The following TMEM117 variants were observed in gnomAD, a reference collection of about 807,000 sequenced individuals.
TMEM117 encodes transmembrane protein 117.
In TMEM117, 27 loss-of-function variants were observed where a neutral mutation model predicts 52.4. That is an observed-to-expected ratio of 0.51 (90% CI 0.38 to 0.71). The LOEUF is 0.71. TMEM117 is among the 30% of genes least tolerant of loss of function. TMEM117 has a pLI of 0.00. For missense variants in TMEM117, 556 were observed against 630.5 expected (o/e 0.88, Z 1.26); for synonymous variants, 215 against 206.3 (o/e 1.04, Z -0.36).
intron 3 of TMEM117, among the ~76,000 whole-genome samples, chr12:44,042,488 G>C (rs928576758): frequency 3.3e-5 from 5 of 152,060 alleles, no homozygotes; most frequent in African/African-American, 1.2e-4. Context: ...TAACATTTGA[G>C]TCAGTGGGCT....
chr12:44,143,770 G>A, intron 4 of TMEM117, 146 bp downstream of exon 4: 1 of 602,928 alleles, frequency 1.7e-6, no homozygotes. Context: ...TAATTCCAGA[G>A]ATTATATCCA....
intron 4 of TMEM117, among the ~76,000 whole-genome samples, chr12:44,149,321 C>G (rs1948688995): frequency 6.6e-6 from 1 of 151,914 alleles, no homozygotes; most frequent in South Asian, 2.1e-4. Context: ...TTTCAGTGGA[C>G]AGAGAGAATT....
intron 3 of TMEM117, among the ~76,000 whole-genome samples, chr12:44,088,669 C>G (rs1397712788): frequency 6.6e-6 from 1 of 152,134 alleles, no homozygotes; most frequent in Admixed American, 6.5e-5. Context: ...CTGAAGATGT[C>G]GGGAGACTTC....
chr12:43,810,471 A>T, the TMEM117 span, among the ~76,000 whole-genome samples: 8 of 152,184 alleles, frequency 5.3e-5, no homozygotes, highest in Non-Finnish European at 1.0e-4. Flanking sequence ...TATTTCTGTA[A>T]TCGCAACACA....
At chr12:44,114,566 T>A (rs759636174) in intron 3 of TMEM117, among the ~76,000 whole-genome samples, 13 of 152,150 alleles carry the variant, frequency 8.5e-5, no homozygotes, top group Non-Finnish European at 1.8e-4. Flanking sequence ...GATTTCCACA[T>A]CCATTTCTAG....
At chr12:44,208,786 C>T (rs918663747) in intron 4 of TMEM117, among the ~76,000 whole-genome samples, 1 of 111,684 alleles carries the variant, frequency 9.0e-6, no homozygotes, top group African/African-American at 3.5e-5. Flanking sequence ...ATGCTTTATC[C>T]TTGAATGTCA....
intron 3 of TMEM117, among the ~76,000 whole-genome samples, chr12:43,991,783 A>G (rs922559807): frequency 4.6e-5 from 7 of 152,132 alleles, no homozygotes; most frequent in Non-Finnish European, 8.8e-5. Flanking sequence ...TTTCCATACT[A>G]TCATCTTAAA....
In TMEM117 at chr12:44,291,374, G is replaced by GTT. The variant is rs1185340451; in HGVS notation, c.609-8184_609-8183dup. 7.5e-3 allele frequency among the ~76,000 whole-genome samples: 536 copies of GTT among 71,330 alleles called. 7 individuals carry two copies. The highest frequency in any genetic ancestry group is 0.021 in the African/African-American group (361 of 17,226). 46.8% of individuals were successfully genotyped at this position (71,330 alleles called of 152,430 possible). On this transcript the variant is annotated intron_variant, in intron 5 of 7. Coordinates refer to ENST00000266534, the MANE Select transcript of TMEM117 (RefSeq NM_032256.3). ...CTCAATTTGTTTATTAGTTCTAACAGTTTTTTTTTTTTTTTTTTTTTTTGG... is the reference window on the plus strand; with the variant it reads ...CTCAATTTGTTTATTAGTTCTAACAGTTTTTTTTTTTTTTTTTTTTTTTTTGG...
At chr12:44,007,403 C>T (rs1290687964) in intron 3 of TMEM117, among the ~76,000 whole-genome samples, 3 of 151,334 alleles carry the variant, frequency 2.0e-5, no homozygotes, top group Non-Finnish European at 4.4e-5. Context: ...TAAATTTCCT[C>T]TTTTTTTTTC....
At chr12:43,884,133 C>CAA (rs758603064) in intron 2 of TMEM117, among the ~76,000 whole-genome samples, 10 of 69,606 alleles carry the variant, frequency 1.4e-4, no homozygotes, top group South Asian at 4.2e-4. Context: ...GATACCATCT[C>CAA]AAAAAAAAAA....
intron 3 of TMEM117, among the ~76,000 whole-genome samples, chr12:44,043,745 C>T (rs1946837474): frequency 6.6e-6 from 1 of 151,992 alleles, no homozygotes; most frequent in African/African-American, 2.4e-5. Flanking sequence ...AGAGTGTGAC[C>T]CATGAGGAGG....
At chr12:43,951,741 TCTGATCCTGATGAGGGC>T (rs1592388030) in intron 3 of TMEM117, among the ~76,000 whole-genome samples, 1 of 122,994 alleles carries the variant, frequency 8.1e-6, no homozygotes, top group South Asian at 2.2e-4. Flanking sequence ...TGATGAGGGC[TCTGATCCTGATGAGGGC>T]GATTCCCTGA....
chr12:44,188,717 C>G (rs1048233108), intron 4 of TMEM117, among the ~76,000 whole-genome samples: 1 of 152,170 alleles, frequency 6.6e-6, no homozygotes, highest in Non-Finnish European at 1.5e-5. Flanking sequence ...CTGCTCCCAC[C>G]TCCCACAGCA....
At chr12:43,821,018 C>A in the TMEM117 span, among the ~76,000 whole-genome samples, 19,382 of 151,364 alleles carry the variant, frequency 0.13, 1,459 homozygotes, top group Middle Eastern at 0.21. Context: ...TGGCATGAAC[C>A]CGGGAGGCGG....
intron 3 of TMEM117, among the ~76,000 whole-genome samples, chr12:44,114,513 G>A (rs1047372127): frequency 2.0e-5 from 3 of 152,136 alleles, no homozygotes; most frequent in African/African-American, 7.2e-5. Flanking sequence ...GGATGGCTGA[G>A]GAAATGCCTA....
intron 3 of TMEM117, among the ~76,000 whole-genome samples, chr12:44,006,536 T>G (rs1281563960): frequency 6.6e-6 from 1 of 152,146 alleles, no homozygotes; most frequent in Non-Finnish European, 1.5e-5. Flanking sequence ...ATTTAGTAAT[T>G]CTCTGTGAGC....
intron 3 of TMEM117, among the ~76,000 whole-genome samples, chr12:44,036,336 A>G (rs1946710321): frequency 1.3e-5 from 2 of 152,226 alleles, no homozygotes; most frequent in Non-Finnish European, 1.5e-5. Context: ...GAAGCCTTCT[A>G]TGGACATCTC....
At chr12:43,919,178 A>G (rs1944652846) in intron 2 of TMEM117, among the ~76,000 whole-genome samples, 1 of 152,190 alleles carries the variant, frequency 6.6e-6, no homozygotes, top group Non-Finnish European at 1.5e-5. Flanking sequence ...CTCTTTAACA[A>G]ATTTGTAAGT....
chr12:44,379,884 C>T (rs1456683497), intron 7 of TMEM117, among the ~76,000 whole-genome samples: 1 of 152,118 alleles, frequency 6.6e-6, no homozygotes, highest in Non-Finnish European at 1.5e-5. Flanking sequence ...GCATAAAACC[C>T]TCTAGATCCG....
Sources: gnomAD v4.1 joint callset for allele counts (sites outside exome capture counted in the v4.1 genomes callset) on GRCh38, gnomAD v4.1.1 for gene constraint, MANE v1.5 for transcripts, NCBI Gene and HGNC (gene_info 2026-07-23, HGNC 2026-07-21) for gene names.